TTC7B: variants seen among roughly 807,000 people sequenced by gnomAD.
TTC7B encodes the protein tetratricopeptide repeat protein 7B.
In TTC7B, 28 loss-of-function variants were observed where a neutral mutation model predicts 106.8. The observed-to-expected ratio is 0.26, with a 90% CI of 0.19 to 0.36. The LOEUF (loss-of-function observed/expected upper bound fraction) is 0.36. Ranked by LOEUF, TTC7B falls within the 10% of genes least tolerant of loss-of-function variation. TTC7B has a pLI of 1.00. For missense variants in TTC7B, 862 were observed against 1,076.4 expected (o/e 0.80, Z 2.79); for synonymous variants, 405 against 430.6 (o/e 0.94, Z 0.74).
At chr14:90,545,317 C>G (rs964881167) in intron 19 of TTC7B, among the ~76,000 whole-genome samples, 1 of 152,228 alleles carries the variant, frequency 6.6e-6, no homozygotes, top group Non-Finnish European at 1.5e-5. Flanking sequence ...AGGAAAGGGG[C>G]GTCTGCCATG....
intron 2 of TTC7B, among the ~76,000 whole-genome samples, chr14:90,784,185 G>A (rs1891305184): frequency 6.6e-6 from 1 of 151,914 alleles, no homozygotes; most frequent in African/African-American, 2.4e-5. Flanking sequence ...CTCTCCTGCT[G>A]ATCAAGACCT....
chr14:90,696,101 C>G (rs1168157825), intron 5 of TTC7B, among the ~76,000 whole-genome samples: 1 of 152,128 alleles, frequency 6.6e-6, no homozygotes, highest in Admixed American at 6.5e-5. Flanking sequence ...ACCAACCCTC[C>G]TCCAAACCCC....
At chr14:90,703,334 C>A (rs746688035) in intron 5 of TTC7B, among the ~76,000 whole-genome samples, 7 of 152,196 alleles carry the variant, frequency 4.6e-5, no homozygotes, top group Non-Finnish European at 8.8e-5. Flanking sequence ...AGGAAAAGAA[C>A]TTCTGGCCAC....
chr14:90,763,903 C>G (rs973343734), intron 3 of TTC7B, among the ~76,000 whole-genome samples: 1 of 152,148 alleles, frequency 6.6e-6, no homozygotes, highest in Non-Finnish European at 1.5e-5. Flanking sequence ...GAAAGCAATA[C>G]TTCCCAAATC....
chr14:90,761,370 C>A (rs957608275), intron 3 of TTC7B, among the ~76,000 whole-genome samples: 1 of 151,988 alleles, frequency 6.6e-6, no homozygotes, highest in Admixed American at 6.5e-5. Flanking sequence ...CAACCATCAC[C>A]CCCACCAGAT....
chr14:90,709,453 A>G (rs3927427), intron 5 of TTC7B, among the ~76,000 whole-genome samples: 107,113 of 144,492 alleles, frequency 0.74, 40,313 homozygotes, highest in African/African-American at 0.88. Context: ...ACCAAACACC[A>G]CACGTTCTCA....
At chr14:90,567,519 T>C (rs1400353296) in intron 19 of TTC7B, 6 of 151,950 alleles carry the variant, frequency 3.9e-5, no homozygotes, top group Non-Finnish European at 8.8e-5. Context: ...TCCATCAGAG[T>C]GGAGACAAAG....
At chr14:90,741,321 C>T (rs1889753456) in intron 4 of TTC7B, among the ~76,000 whole-genome samples, 1 of 152,180 alleles carries the variant, frequency 6.6e-6, no homozygotes, top group Non-Finnish European at 1.5e-5. Context: ...AGTCACTGGT[C>T]ACGACACTCC....
rs74085564 is a variant in TTC7B at position 90,802,351 on chromosome 14, G to A, written c.121+13824C>T. Among the ~76,000 whole-genome samples the A allele has an allele frequency of 0.01, 1,572 of 152,248 alleles. 31 individuals carry two copies. Among genetic ancestry groups the A allele is most frequent in the African/African-American group, 0.036 (1,507 of 41,540 alleles). On this transcript the variant is annotated intron_variant, in intron 1 of 19. Coordinates refer to ENST00000328459, the MANE Select transcript of TTC7B (RefSeq NM_001010854.2). This position sits in a 1 kb window ranked among gnomAD's most constrained non-coding sequence, Gnocchi z 4.7. Reference sequence around the variant, plus strand: ...CCGTGCCTGCAGAAGGGAAGGGTCAGGAGAGAAGTGAAGGCTGTGGCAGCC... The same window carrying A: ...CCGTGCCTGCAGAAGGGAAGGGTCAAGAGAGAAGTGAAGGCTGTGGCAGCC...
At chr14:90,554,962 C>T (rs976068030) in intron 19 of TTC7B, among the ~76,000 whole-genome samples, 5 of 152,280 alleles carry the variant, frequency 3.3e-5, no homozygotes, top group South Asian at 4.1e-4. Context: ...TCCTAGCTCT[C>T]GGCAGCCCTG....
chr14:90,799,696 A>G (rs1290513841), intron 1 of TTC7B, among the ~76,000 whole-genome samples: 4 of 152,132 alleles, frequency 2.6e-5, no homozygotes, highest in African/African-American at 7.2e-5. Flanking sequence ...GGTGGAGGGA[A>G]GGGCGTTGGG....
intron 8 of TTC7B, among the ~76,000 whole-genome samples, chr14:90,679,592 G>A (rs1013755322): frequency 6.6e-6 from 1 of 152,316 alleles, no homozygotes; most frequent in Admixed American, 6.5e-5. Context: ...CATTCCGCCT[G>A]CTCTAGGCCT....
At chr14:90,548,198 T>C (rs963760159) in intron 19 of TTC7B, among the ~76,000 whole-genome samples, 2 of 152,190 alleles carry the variant, frequency 1.3e-5, no homozygotes, top group African/African-American at 4.8e-5. Flanking sequence ...GAGCTGTCCC[T>C]CACCACATCA....
At chr14:90,769,596 T>C (rs2140024892) in intron 3 of TTC7B, among the ~76,000 whole-genome samples, 1 of 152,176 alleles carries the variant, frequency 6.6e-6, no homozygotes, top group Non-Finnish European at 1.5e-5. Context: ...TAAGACTTCA[T>C]CTCTACAAAA....
intron 15 of TTC7B, among the ~76,000 whole-genome samples, chr14:90,627,880 C>T (rs1480484085): frequency 6.6e-6 from 1 of 152,196 alleles, no homozygotes; most frequent in Non-Finnish European, 1.5e-5. Flanking sequence ...ATCCAGGAGC[C>T]GGCACCTAAG....
In TTC7B at chr14:90,545,204, G is replaced by A. The variant is rs138505526; in HGVS notation, c.2311-3615C>T. 1.4e-3 allele frequency among the ~76,000 whole-genome samples: 215 copies of A among 152,210 alleles called. 1 individual carries two copies. Among genetic ancestry groups the A allele is most frequent in the African/African-American group, 4.6e-3 (193 of 41,540 alleles). ...CCACCTGGTCCACATTGCCTCTGTCGCTTTAAGAGGCAAGCCCCGGGCCAG... is the reference window on the plus strand; with the variant it reads ...CCACCTGGTCCACATTGCCTCTGTCACTTTAAGAGGCAAGCCCCGGGCCAG... On this transcript the variant is annotated intron_variant, in intron 19 of 19. Transcript: ENST00000328459.
chr14:90,771,332 A>C (rs1890856314), intron 3 of TTC7B, among the ~76,000 whole-genome samples: 1 of 152,228 alleles, frequency 6.6e-6, no homozygotes, highest in Non-Finnish European at 1.5e-5. Flanking sequence ...ACCGTGGCTC[A>C]CGTCTGTAAT....
intron 7 of TTC7B, among the ~76,000 whole-genome samples, chr14:90,683,734 T>C (rs1720176624): frequency 6.6e-6 from 1 of 152,008 alleles, no homozygotes; most frequent in Non-Finnish European, 1.5e-5. Flanking sequence ...AACATCACCT[T>C]GCACAAGTGT....
rs137873946 is a variant in TTC7B, at chr14:90,753,719, C to T, written c.446-8797G>A. Among the ~76,000 whole-genome samples the T allele has an allele frequency of 2.0e-3, 298 of 152,324 alleles. 5 individuals carry two copies. Among genetic ancestry groups the T allele is most frequent in the African/African-American group, 7.0e-3 (291 of 41,572 alleles). ...CTCTTGGCTGGGAGCCACAGTTGGT[C>T]CCTTCTGAGTGCTTTCCTGAATTGC... On this transcript the variant is annotated intron_variant, in intron 3 of 19. Transcript: ENST00000328459.
Sources: gnomAD v4.1 joint callset for allele counts (sites outside exome capture counted in the v4.1 genomes callset) on GRCh38, gnomAD v4.1.1 for gene constraint, Gnocchi (gnomAD v3.1) non-coding constraint, MANE v1.5 for transcripts, NCBI Gene and HGNC (gene_info 2026-07-23, HGNC 2026-07-21) for gene names.